Variants in EXT1 observed in about 807,000 individuals in gnomAD.
EXT1 encodes the protein exostosin glycosyltransferase 1, also known as exostosin-1.
Under a neutral mutation model 82.5 loss-of-function variants are expected in EXT1, and 20 were observed. The observed-to-expected ratio is 0.24, with a 90% CI of 0.17 to 0.35. EXT1 has a LOEUF of 0.35. Ranked by LOEUF, EXT1 falls within the 10% of genes least tolerant of loss-of-function variation. EXT1 has a pLI of 1.00. For missense variants in EXT1, 757 were observed against 936.5 expected, an observed-to-expected ratio of 0.81 and a Z score of 2.50; for synonymous variants, 348 against 350.8, an observed-to-expected ratio of 0.99 and a Z score of 0.09.
intron 1 of EXT1, among the ~76,000 whole-genome samples, chr8:117,878,934 C>CCT (rs1813015438): frequency 6.6e-6 from 1 of 152,184 alleles, no homozygotes; most frequent in African/African-American, 2.4e-5. Flanking sequence ...GTGAGACCCA[C>CCT]GCTGTAGAGC....
At chr8:117,891,100 A>G (rs1367890710) in intron 1 of EXT1, among the ~76,000 whole-genome samples, 1 of 152,196 alleles carries the variant, frequency 6.6e-6, no homozygotes, top group Non-Finnish European at 1.5e-5. Flanking sequence ...ACAAGGGCCA[A>G]CTCAAGGAAA....
chr8:117,816,683 G>T (rs930547615), intron 7 of EXT1, among the ~76,000 whole-genome samples: 2 of 152,088 alleles, frequency 1.3e-5, no homozygotes, highest in African/African-American at 4.8e-5. Context: ...ATTTTATAAA[G>T]AAAGAAACGG....
chr8:118,012,223 A>G (rs1462832718), intron 1 of EXT1, among the ~76,000 whole-genome samples: 1 of 152,244 alleles, frequency 6.6e-6, no homozygotes, highest in Non-Finnish European at 1.5e-5. Flanking sequence ...TTCGGTGCAA[A>G]GCGATCCTGT....
chr8:117,854,947 A>C (rs1812516321), intron 1 of EXT1, among the ~76,000 whole-genome samples: 2 of 152,244 alleles, frequency 1.3e-5, no homozygotes. Context: ...CTTTCAAAGC[A>C]ATGAGCACTG....
At chr8:118,097,772 TGA>T (rs1817647487) in intron 1 of EXT1, among the ~76,000 whole-genome samples, 1 of 152,204 alleles carries the variant, frequency 6.6e-6, no homozygotes, top group South Asian at 2.1e-4. Flanking sequence ...AAGTATCTGT[TGA>T]GTAAATCAAT....
At position 117,952,095 on chromosome 8, in the gene EXT1, A is replaced by G. The variant is rs1200700787; in HGVS notation, c.963-114894T>C. Reference sequence around the variant, plus strand: ...AATGTCAGAAATTATTAGTATCAGAACACATAAAAACACAGCTCCTAGTGG... The same window carrying G: ...AATGTCAGAAATTATTAGTATCAGAGCACATAAAAACACAGCTCCTAGTGG... On this transcript the variant is annotated intron_variant, in intron 1 of 10. Coordinates refer to ENST00000378204, the MANE Select transcript of EXT1 (RefSeq NM_000127.3). 2.0e-5 allele frequency among the ~76,000 whole-genome samples: 3 copies of G among 152,342 alleles called. No homozygotes were observed. The East Asian group carries it at 5.8e-4, about 29-fold the overall frequency.
At chr8:117,935,505 C>T (rs1814142871) in intron 1 of EXT1, among the ~76,000 whole-genome samples, 3 of 151,860 alleles carry the variant, frequency 2.0e-5, no homozygotes, top group South Asian at 4.2e-4. Context: ...AACATGCCAA[C>T]AGCACCAACA....
intron 8 of EXT1, among the ~76,000 whole-genome samples, chr8:117,807,791 A>G (rs949839508): frequency 6.6e-6 from 1 of 152,218 alleles, no homozygotes; most frequent in African/African-American, 2.4e-5. Context: ...TATACAACAT[A>G]TATCATACCC....
intron 7 of EXT1, 72 bp downstream of exon 7, chr8:117,818,363 A>G: frequency 8.2e-7 from 1 of 1,221,440 alleles, no homozygotes; most frequent in Non-Finnish European, 1.2e-6. Context: ...TCTAGGGCCA[A>G]GACCCAAAGT....
At chr8:117,893,679 C>A (rs1813287042) in intron 1 of EXT1, among the ~76,000 whole-genome samples, 1 of 152,188 alleles carries the variant, frequency 6.6e-6, no homozygotes, top group Admixed American at 6.5e-5. Flanking sequence ...CTGGACTAAC[C>A]ACGCTTTGAG....
At chr8:118,095,593 C>T (rs1817596052) in intron 1 of EXT1, among the ~76,000 whole-genome samples, 1 of 152,176 alleles carries the variant, frequency 6.6e-6, no homozygotes, top group African/African-American at 2.4e-5. Context: ...AAAATTTACT[C>T]TCTGTCAGTA....
At position 118,037,646 on chromosome 8, in the gene EXT1, T is replaced by C. The variant is rs111893762; in HGVS notation, c.962+72439A>G. On this transcript the variant is annotated intron_variant, in intron 1 of 10. Transcript: ENST00000378204. Reference sequence around the variant, plus strand: ...GGAACATATACTATAGAGTATGCTTTATACAGTTTCACACATTAGGCAAAA... The same window carrying C: ...GGAACATATACTATAGAGTATGCTTCATACAGTTTCACACATTAGGCAAAA... 2.4e-3 allele frequency among the ~76,000 whole-genome samples: 362 copies of C among 152,290 alleles called. 3 individuals carry two copies. The highest frequency in any genetic ancestry group is 7.2e-3 in the African/African-American group (298 of 41,546).
chr8:117,903,554 G>T (rs902495887), intron 1 of EXT1, among the ~76,000 whole-genome samples: 1 of 152,202 alleles, frequency 6.6e-6, no homozygotes, highest in Non-Finnish European at 1.5e-5. Flanking sequence ...ATTTATCATG[G>T]ATTCAACTAA....
intron 1 of EXT1, among the ~76,000 whole-genome samples, chr8:117,917,457 G>A (rs1813773824): frequency 6.6e-6 from 1 of 152,008 alleles, no homozygotes; most frequent in African/African-American, 2.4e-5. Context: ...AGAGTGAGAC[G>A]CCATCTCAAA....
rs561441694 is a variant in EXT1, at chr8:118,092,958, C to G, written c.962+17127G>C. Among the ~76,000 whole-genome samples, 7 of 152,258 alleles carry G rather than the reference C, an allele frequency of 4.6e-5. No homozygotes were observed. The East Asian group carries it at 1.3e-3, about 29-fold the overall frequency. On this transcript the variant is annotated intron_variant, in intron 1 of 10. Coordinates refer to ENST00000378204, the MANE Select transcript of EXT1 (RefSeq NM_000127.3). ...AGAAAGCTCCCAGGCCACACCATGC[C>G]TGGGAGTTCCAAAAGTGAGTATCTT... is the stretch of plus-strand genomic sequence containing the variant.
At position 117,812,898 on chromosome 8, in the gene EXT1, C is replaced by T. The variant is rs1586993117; in HGVS notation, c.1696G>A (p.Glu566Lys). Residue 566 changes from glutamate (E) to lysine (K), a missense_variant, in exon 8 of 11, where the codon GAG becomes AAG. Around this residue, in one of 4 missense-constraint regions of EXT1, gnomAD observed 207 missense variants for 224.2 expected, o/e 0.92. Transcript: ENST00000378204. ...TCTGTTGTTGAAAGCACCGTGTCCTCGTCAAGGCTGAGCACGGCGTCTGTG... is the reference window on the plus strand; with the variant it reads ...TCTGTTGTTGAAAGCACCGTGTCCTTGTCAAGGCTGAGCACGGCGTCTGTG... Reference protein sequence around the residue: ...IITDAVLSLDEDTVLSTTEVD... With the variant: ...IITDAVLSLDKDTVLSTTEVD... The T allele has an allele frequency of 6.2e-7, 1 of 1,614,062 alleles. No homozygotes were observed. Among genetic ancestry groups the T allele is most frequent in the East Asian group, 2.2e-5 (1 of 44,888 alleles).
rs776974427 is a variant in EXT1, at chr8:118,041,677, G to GGAAGGAA, written c.962+68401_962+68407dup. Among the ~76,000 whole-genome samples, 491 of 139,632 alleles carry GGAAGGAA rather than the reference G, an allele frequency of 3.5e-3. 3 individuals are homozygous for GGAAGGAA. The highest frequency in any genetic ancestry group is 5.7e-3 in the Non-Finnish European group (360 of 63,470). The allele number at this position is 139,632 out of a possible 152,430, so 91.6% of individuals were successfully genotyped here. A position where few individuals can be genotyped will look rare whatever the true frequency, so the allele number is the denominator to read the frequency against. On this transcript the variant is annotated intron_variant, in intron 1 of 10. Transcript: ENST00000378204. ...GAAAGAGAGAGAAAGAAGGAAGGAA[G>GGAAGGAA]GAAGGAAGGAAGGAAGGAAGGAAGG... is the stretch of plus-strand genomic sequence containing the variant.
chr8:117,924,580 T>C (rs1377024705), intron 1 of EXT1, among the ~76,000 whole-genome samples: 2 of 152,202 alleles, frequency 1.3e-5, no homozygotes, highest in Non-Finnish European at 2.9e-5. Context: ...GGTTACATCA[T>C]CGTGCGACTT....
At chr8:117,937,146 T>C (rs1049507420) in intron 1 of EXT1, among the ~76,000 whole-genome samples, 1 of 152,228 alleles carries the variant, frequency 6.6e-6, no homozygotes, top group Admixed American at 6.5e-5. Flanking sequence ...TTATGCTTGT[T>C]TGGCATATTT....
Sources: allele counts gnomAD v4.1 joint callset (sites outside exome capture counted in the v4.1 genomes callset), GRCh38; gene constraint gnomAD v4.1.1; regional missense constraint gnomAD v4.1.1; transcripts MANE v1.5; gene names NCBI Gene and HGNC (gene_info 2026-07-23, HGNC 2026-07-21).